The following EPHA6 variants were observed in gnomAD, a reference collection of about 807,000 sequenced individuals.
EPHA6 encodes EPH receptor A6, also known as ephrin type-A receptor 6.
Under a neutral mutation model 112.0 loss-of-function variants are expected in EPHA6, and 50 were observed. That is an observed-to-expected ratio of 0.45 (90% CI 0.36 to 0.56). The LOEUF is 0.56. EPHA6 is among the 20% of genes least tolerant of loss of function. The probability of loss-of-function intolerance (pLI) is 0.00; values close to 1 mark genes in which losing one functional copy is unlikely to be tolerated. For missense variants in EPHA6, 1,280 were observed against 1,417.4 expected, an observed-to-expected ratio of 0.90 and a Z score of 1.56; for synonymous variants, 529 against 490.7, an observed-to-expected ratio of 1.08 and a Z score of -1.03.
chr3:96,817,026 A>C (rs556975184), intron 1 of EPHA6, among the ~76,000 whole-genome samples: 19 of 152,150 alleles, frequency 1.2e-4, no homozygotes, highest in African/African-American at 4.3e-4. Flanking sequence ...AAATAGAAGC[A>C]TTAAAGATTG....
intron 3 of EPHA6, among the ~76,000 whole-genome samples, chr3:97,047,354 G>C (rs573079174): frequency 6.6e-6 from 1 of 151,780 alleles, no homozygotes; most frequent in East Asian, 1.9e-4. Context: ...CAAAAAATTA[G>C]CTGGGCGTGG....
chr3:96,815,039 G>T (rs1271840700), intron 1 of EPHA6, 31 bp downstream of exon 1: 2 of 1,476,918 alleles, frequency 1.4e-6, no homozygotes, highest in Admixed American at 4.6e-5. Context: ...GCGGGAGTGG[G>T]TGGGAGGAGG....
At chr3:97,020,683 A>C (rs1384643400) in intron 3 of EPHA6, among the ~76,000 whole-genome samples, 1 of 152,234 alleles carries the variant, frequency 6.6e-6, no homozygotes. Context: ...CCACTGGTCC[A>C]GTACAGTAAC....
intron 1 of EPHA6, among the ~76,000 whole-genome samples, chr3:96,852,466 T>C (rs934066612): frequency 2.0e-5 from 3 of 152,158 alleles, no homozygotes; most frequent in Non-Finnish European, 2.9e-5. Context: ...TTTAATCTTC[T>C]GGACAGGATA....
intron 5 of EPHA6, among the ~76,000 whole-genome samples, chr3:97,383,009 A>G (rs982665470): frequency 4.6e-5 from 7 of 152,016 alleles, no homozygotes; most frequent in Admixed American, 2.6e-4. Flanking sequence ...ATAAGGTATC[A>G]TCTGGTCCCC....
At chr3:97,068,878 T>C (rs2046266788) in intron 3 of EPHA6, among the ~76,000 whole-genome samples, 12 of 152,160 alleles carry the variant, frequency 7.9e-5, no homozygotes, top group Admixed American at 7.9e-4. Context: ...CCTGACTATA[T>C]TGACACCCTG....
intron 14 of EPHA6, among the ~76,000 whole-genome samples, chr3:97,685,378 TGAA>T (rs746942847): frequency 2.6e-5 from 4 of 152,198 alleles, no homozygotes; most frequent in Non-Finnish European, 5.9e-5. Context: ...CACAACTCCA[TGAA>T]GAAGTCACTG....
intron 2 of EPHA6, among the ~76,000 whole-genome samples, chr3:96,937,603 T>G (rs1208154542): frequency 6.6e-6 from 1 of 152,192 alleles, no homozygotes; most frequent in Admixed American, 6.5e-5. Flanking sequence ...AGAAGCTCTT[T>G]AGTTTAATTA....
chr3:97,240,336 A>G (rs2078807346), intron 4 of EPHA6, among the ~76,000 whole-genome samples: 1 of 151,884 alleles, frequency 6.6e-6, no homozygotes, highest in Admixed American at 6.6e-5. Context: ...AGAAATATGA[A>G]TAAATTTGTT....
At position 97,597,456 on chromosome 3, in the gene EPHA6, GTTTA is replaced by G. The variant is rs528033965; in HGVS notation, c.2512+4729_2512+4732del. Among the ~76,000 whole-genome samples the G allele has an allele frequency of 8.5e-4, 130 of 152,208 alleles. 1 individual carries two copies. The highest frequency in any genetic ancestry group is 2.5e-3 in the African/African-American group (104 of 41,534). On this transcript the variant is annotated intron_variant, in intron 12 of 17. Coordinates refer to ENST00000389672, the MANE Select transcript of EPHA6 (RefSeq NM_001080448.3). ...ATAATTAAGAATAATGTTTAATATTGTTTATTTATTTATCCTTTGGAAAGAGATT... is the reference window on the plus strand; with the variant it reads ...ATAATTAAGAATAATGTTTAATATTGTTTATTTATCCTTTGGAAAGAGATT...
rs146392781 is a variant in EPHA6, at chr3:97,474,092, T to C, written c.1895-1260T>C. On this transcript the variant is annotated intron_variant, in intron 7 of 17. Transcript: ENST00000389672. ...TAGTGTTGAAGGCTTAGACATTCTG[T>C]TGTAGATATGTCATTTTTATGAGAA... 1.3e-4 allele frequency among the ~76,000 whole-genome samples: 20 copies of C among 151,960 alleles called. No homozygotes were observed. The East Asian group carries it at 1.4e-3, about 10-fold the overall frequency.
chr3:97,039,371 G>A (rs1428707957), intron 3 of EPHA6, among the ~76,000 whole-genome samples: 2 of 152,020 alleles, frequency 1.3e-5, no homozygotes, highest in Admixed American at 6.6e-5. Flanking sequence ...GTGGTTCATC[G>A]GAATTTCAAT....
intron 7 of EPHA6, among the ~76,000 whole-genome samples, chr3:97,468,635 ACCT>A (rs1304253903): frequency 2.0e-5 from 3 of 151,692 alleles, no homozygotes; most frequent in African/African-American, 7.2e-5. Context: ...CTATTAATTT[ACCT>A]CTGTACATAC....
chr3:97,599,780 G>T (rs1398973745), intron 12 of EPHA6, among the ~76,000 whole-genome samples: 1 of 152,090 alleles, frequency 6.6e-6, no homozygotes, highest in Admixed American at 6.5e-5. Context: ...GAACTTTAAA[G>T]TAGTTTTTTC....
chr3:97,551,950 A>G (rs963327655), intron 11 of EPHA6, among the ~76,000 whole-genome samples: 1 of 152,128 alleles, frequency 6.6e-6, no homozygotes, highest in African/African-American at 2.4e-5. Context: ...TTGTTCCCCA[A>G]ATGGAGAAAC....
chr3:97,621,997 G>A (rs1279060132), intron 13 of EPHA6, among the ~76,000 whole-genome samples: 5 of 151,848 alleles, frequency 3.3e-5, no homozygotes, highest in African/African-American at 1.2e-4. Context: ...ATGCTAGTAT[G>A]CTAGTAGACC....
chr3:97,299,770 T>G (rs561168546), intron 5 of EPHA6, among the ~76,000 whole-genome samples: 144 of 152,306 alleles, frequency 9.5e-4, no homozygotes, highest in Non-Finnish European at 1.3e-3. Flanking sequence ...AATTGACAAA[T>G]CATATGTAAG....
intron 11 of EPHA6, among the ~76,000 whole-genome samples, chr3:97,571,425 T>C (rs370454639): frequency 1.3e-5 from 2 of 152,050 alleles, no homozygotes; most frequent in Non-Finnish European, 2.9e-5. Flanking sequence ...AGCAATTGCA[T>C]ATGTTAGGCA....
intron 3 of EPHA6, among the ~76,000 whole-genome samples, chr3:97,142,662 G>A (rs1160253011): frequency 6.6e-6 from 1 of 151,798 alleles, no homozygotes; most frequent in Non-Finnish European, 1.5e-5. Context: ...ATGAAATTGA[G>A]TCAGTAATAA....
Sources: gnomAD v4.1 joint callset for allele counts (sites outside exome capture counted in the v4.1 genomes callset) on GRCh38, gnomAD v4.1.1 for gene constraint, MANE v1.5 for transcripts, NCBI Gene and HGNC (gene_info 2026-07-23, HGNC 2026-07-21) for gene names.